SHISA9: variants seen among roughly 807,000 people sequenced by gnomAD.
SHISA9 encodes protein shisa-9.
Under a neutral mutation model 38.0 loss-of-function variants are expected in SHISA9, and 13 were observed. The observed-to-expected ratio is 0.34, with a 90% CI of 0.22 to 0.54. The LOEUF is 0.54. SHISA9 is among the 20% of genes least tolerant of loss of function. SHISA9 has a pLI of 0.91. For missense variants in SHISA9, 538 were observed against 575.8 expected, an observed-to-expected ratio of 0.93 and a Z score of 0.67; for synonymous variants, 275 against 242.0, an observed-to-expected ratio of 1.14 and a Z score of -1.27.
the SHISA9 span, among the ~76,000 whole-genome samples, chr16:13,440,526 C>T: frequency 2.0e-5 from 3 of 152,292 alleles, no homozygotes; most frequent in Non-Finnish European, 4.4e-5. Context: ...ACTGACGCCC[C>T]CTTTGCATGT....
the SHISA9 span, among the ~76,000 whole-genome samples, chr16:13,355,593 T>A: frequency 6.6e-6 from 1 of 152,000 alleles, no homozygotes; most frequent in African/African-American, 2.4e-5. Context: ...TAAAAGAGTA[T>A]TGTCTAAGTT....
intron 2 of SHISA9, among the ~76,000 whole-genome samples, chr16:13,126,519 G>C (rs1047484381): frequency 6.7e-6 from 1 of 150,068 alleles, no homozygotes; most frequent in African/African-American, 2.5e-5. Context: ...GGGGGAGAGA[G>C]ATGGAGGGAG....
intron 2 of SHISA9, among the ~76,000 whole-genome samples, chr16:13,187,328 C>CTTTTCTTT (rs1450024008): frequency 3.3e-5 from 3 of 90,684 alleles, no homozygotes; most frequent in Admixed American, 1.3e-4. Context: ...CTTTTCTTTT[C>CTTTTCTTT]TTTTTTTTTT....
At chr16:13,252,279 A>T in the SHISA9 span, among the ~76,000 whole-genome samples, 1 of 152,146 alleles carries the variant, frequency 6.6e-6, no homozygotes, top group South Asian at 2.1e-4. Context: ...TTTGTCCATC[A>T]ACTGGGACAA....
intron 2 of SHISA9, among the ~76,000 whole-genome samples, chr16:13,050,450 G>C (rs1404204607): frequency 6.6e-6 from 1 of 152,042 alleles, no homozygotes; most frequent in East Asian, 1.9e-4. Flanking sequence ...CCCTACCTCA[G>C]CCCGTCAAGT....
chr16:13,069,090 G>A (rs991983244), intron 2 of SHISA9, among the ~76,000 whole-genome samples: 1 of 151,870 alleles, frequency 6.6e-6, no homozygotes, highest in Non-Finnish European at 1.5e-5. Flanking sequence ...CATGCAATGT[G>A]TATGTGTGTG....
At chr16:13,128,780 T>G (rs1282696858) in intron 2 of SHISA9, among the ~76,000 whole-genome samples, 2 of 152,298 alleles carry the variant, frequency 1.3e-5, no homozygotes, top group East Asian at 3.9e-4. Context: ...ATGAGCACTT[T>G]TGGTTCTCCT....
intron 2 of SHISA9, among the ~76,000 whole-genome samples, chr16:13,031,780 G>T (rs1418736596): frequency 2.0e-5 from 3 of 152,202 alleles, no homozygotes; most frequent in Admixed American, 6.5e-5. Flanking sequence ...GCACAAGTGA[G>T]ATTGATATAT....
At chr16:13,172,686 T>C (rs1390675949) in intron 2 of SHISA9, among the ~76,000 whole-genome samples, 1 of 151,626 alleles carries the variant, frequency 6.6e-6, no homozygotes, top group East Asian at 1.9e-4. Context: ...TTTAGGCCCA[T>C]GAGAGAGTAC....
chr16:13,465,557 G>C, the SHISA9 span, among the ~76,000 whole-genome samples: 1 of 152,152 alleles, frequency 6.6e-6, no homozygotes, highest in Non-Finnish European at 1.5e-5. Flanking sequence ...CTGCAATATA[G>C]AACAAAGATA....
chr16:13,136,996 T>C lies in SHISA9; in HGVS notation c.692-66398T>C, dbSNP rs113368125. ...CAGGAAACAGAACAAGGATTAATTA[T>C]TGATGTCTGTCTCCGAGTAGAATTA... On this transcript the variant is annotated intron_variant, in intron 2 of 4. Coordinates refer to ENST00000558583, the MANE Select transcript of SHISA9 (RefSeq NM_001145204.3). Among the ~76,000 whole-genome samples, 626 of 152,308 alleles carry C rather than the reference T, an allele frequency of 4.1e-3. 6 individuals carry two copies. Among genetic ancestry groups the C allele is most frequent in the African/African-American group, 0.014 (573 of 41,576 alleles).
the SHISA9 span, among the ~76,000 whole-genome samples, chr16:13,271,361 A>T: frequency 2.0e-5 from 3 of 152,158 alleles, no homozygotes; most frequent in East Asian, 3.9e-4. Context: ...CATTAAATCA[A>T]CGTCATCATG....
chr16:13,443,982 G>C, the SHISA9 span, among the ~76,000 whole-genome samples: 2 of 152,134 alleles, frequency 1.3e-5, no homozygotes, highest in Non-Finnish European at 2.9e-5. Flanking sequence ...AATTGTCATG[G>C]AATAGCCATC....
chr16:13,528,025 T>A, the SHISA9 span, among the ~76,000 whole-genome samples: 17 of 152,312 alleles, frequency 1.1e-4, no homozygotes, highest in Admixed American at 4.6e-4. Flanking sequence ...GGCTTTTCAT[T>A]TGCATAAAGG....
intron 2 of SHISA9, among the ~76,000 whole-genome samples, chr16:13,115,417 G>C (rs1278397404): frequency 6.6e-6 from 1 of 152,212 alleles, no homozygotes; most frequent in South Asian, 2.1e-4. Context: ...TAAGGGAAAC[G>C]AAGGGATGGG....
chr16:13,425,005 T>C, the SHISA9 span, among the ~76,000 whole-genome samples: 1 of 152,208 alleles, frequency 6.6e-6, no homozygotes. Context: ...ATATATACCA[T>C]GGAATACTAC....
the SHISA9 span, among the ~76,000 whole-genome samples, chr16:13,380,377 G>T: frequency 1.3e-5 from 2 of 152,128 alleles, no homozygotes; most frequent in African/African-American, 4.8e-5. Flanking sequence ...TGCTTTAAAA[G>T]AGAGAAACAG....
chr16:13,234,796 C>T (rs1026404701), intron 4 of SHISA9, among the ~76,000 whole-genome samples: 8 of 151,934 alleles, frequency 5.3e-5, no homozygotes, highest in African/African-American at 1.9e-4. Context: ...CTAGAGGTTC[C>T]CTTGGGGATG....
intron 2 of SHISA9, among the ~76,000 whole-genome samples, chr16:13,171,285 A>G (rs971099427): frequency 1.3e-5 from 2 of 152,124 alleles, no homozygotes; most frequent in African/African-American, 4.8e-5. Flanking sequence ...CACCCCCAAC[A>G]CTGGGGATCA....
Sources: allele counts gnomAD v4.1 joint callset (sites outside exome capture counted in the v4.1 genomes callset), GRCh38; gene constraint gnomAD v4.1.1; transcripts MANE v1.5; gene names NCBI Gene and HGNC (gene_info 2026-07-23, HGNC 2026-07-21).